Variants in SCHIP1 observed in about 807,000 individuals in gnomAD.
The protein encoded by SCHIP1 is schwannomin-interacting protein 1.
A neutral mutation model predicts 29.7 loss-of-function variants in SCHIP1; 8 were observed. The observed-to-expected ratio is 0.27, with a 90% CI of 0.16 to 0.49. The LOEUF (loss-of-function observed/expected upper bound fraction) is 0.49, where lower values mean the gene tolerates loss of function less well. Among genes scored for constraint, SCHIP1 ranks in the 20% least tolerant of loss-of-function variants. The probability of loss-of-function intolerance (pLI) is 0.99; values close to 1 mark genes in which losing one functional copy is unlikely to be tolerated. For missense variants in SCHIP1, 193 were observed against 294.6 expected, an observed-to-expected ratio of 0.66 and a Z score of 2.52; for synonymous variants, 76 against 94.9, an observed-to-expected ratio of 0.80 and a Z score of 1.16.
At chr3:159,388,973 G>A in the SCHIP1 span, among the ~76,000 whole-genome samples, 4 of 151,848 alleles carry the variant, frequency 2.6e-5, no homozygotes, top group East Asian at 7.7e-4. Flanking sequence ...ACAAGCTCAG[G>A]CTAGGAAATG....
chr3:159,430,454 C>T, the SCHIP1 span, among the ~76,000 whole-genome samples: 5 of 152,230 alleles, frequency 3.3e-5, no homozygotes, highest in East Asian at 3.9e-4. Flanking sequence ...CCTGAGGCTA[C>T]GTTCTGCTCT....
chr3:159,442,611 C>T, the SCHIP1 span, among the ~76,000 whole-genome samples: 4 of 152,124 alleles, frequency 2.6e-5, no homozygotes, highest in South Asian at 2.1e-4. Flanking sequence ...TTAAAAAATT[C>T]GTCTTTAGAA....
the SCHIP1 span, among the ~76,000 whole-genome samples, chr3:159,588,333 T>G: frequency 6.6e-6 from 1 of 152,262 alleles, no homozygotes; most frequent in East Asian, 1.9e-4. Flanking sequence ...TTCTTGTAAA[T>G]TTATTTGAGT....
the SCHIP1 span, among the ~76,000 whole-genome samples, chr3:159,581,021 C>T: frequency 2.6e-5 from 4 of 152,072 alleles, no homozygotes; most frequent in Admixed American, 2.0e-4. Context: ...TTGGTGTATG[C>T]CTCACCCCAT....
chr3:159,839,985 C>G (rs1744064955), exon 1 of SCHIP1: 1 of 1,436,286 alleles, frequency 7.0e-7, no homozygotes, highest in African/African-American at 1.4e-5. Context: ...GAGAGCAGCT[C>G]AGCTCGCTAG....
chr3:159,833,174 T>C, the SCHIP1 span, among the ~76,000 whole-genome samples: 1 of 152,330 alleles, frequency 6.6e-6, no homozygotes, highest in Admixed American at 6.5e-5. Flanking sequence ...TCAACACAAA[T>C]TTATTGGTAT....
chr3:159,789,274 G>A, the SCHIP1 span, among the ~76,000 whole-genome samples: 6 of 152,162 alleles, frequency 3.9e-5, no homozygotes, highest in Non-Finnish European at 7.3e-5. Context: ...GCAGAATTTC[G>A]TCCTTTTCAG....
At chr3:159,693,432 C>G in the SCHIP1 span, among the ~76,000 whole-genome samples, 3 of 152,158 alleles carry the variant, frequency 2.0e-5, no homozygotes. Context: ...TGCCAGCAGT[C>G]TTGGGTGTAG....
chr3:159,613,242 T>A, the SCHIP1 span, among the ~76,000 whole-genome samples: 5 of 152,222 alleles, frequency 3.3e-5, no homozygotes, highest in Non-Finnish European at 7.3e-5. Flanking sequence ...TGAATCTATA[T>A]GAATAATTGA....
chr3:159,639,972 T>G, the SCHIP1 span, among the ~76,000 whole-genome samples: 73 of 152,362 alleles, frequency 4.8e-4, no homozygotes, highest in African/African-American at 1.8e-3. Context: ...ATTTTTGCTA[T>G]GCTTTTAAAT....
the SCHIP1 span, among the ~76,000 whole-genome samples, chr3:159,621,858 G>A: frequency 6.6e-6 from 1 of 152,084 alleles, no homozygotes. Context: ...TAGAGACGGG[G>A]TTTCACCAGG....
chr3:159,417,186 G>A, the SCHIP1 span, among the ~76,000 whole-genome samples: 4 of 152,266 alleles, frequency 2.6e-5, no homozygotes, highest in Middle Eastern at 3.4e-3. Context: ...GATTTATCCT[G>A]TTCACTAATG....
At chr3:159,514,462 G>A in the SCHIP1 span, among the ~76,000 whole-genome samples, 9 of 152,216 alleles carry the variant, frequency 5.9e-5, no homozygotes, top group Non-Finnish European at 8.8e-5. Context: ...AATTGAGTTC[G>A]TCCTTCATGA....
the SCHIP1 span, among the ~76,000 whole-genome samples, chr3:159,390,631 T>G: frequency 2.0e-5 from 3 of 152,158 alleles, no homozygotes; most frequent in Admixed American, 1.3e-4. Context: ...CTTAAAATAT[T>G]TTTTAATTTT....
At chr3:159,590,744 T>C in the SCHIP1 span, among the ~76,000 whole-genome samples, 10 of 152,276 alleles carry the variant, frequency 6.6e-5, no homozygotes, top group African/African-American at 2.2e-4. Context: ...ATGACTTTGA[T>C]TACTCTTTTA....
At chr3:159,468,423 A>G in the SCHIP1 span, among the ~76,000 whole-genome samples, 1 of 151,976 alleles carries the variant, frequency 6.6e-6, no homozygotes, top group African/African-American at 2.4e-5. Context: ...ATGTGCCAAA[A>G]TCCTATATGA....
the SCHIP1 span, among the ~76,000 whole-genome samples, chr3:159,314,118 T>C: frequency 1.3e-5 from 2 of 152,216 alleles, no homozygotes; most frequent in Non-Finnish European, 2.9e-5. Flanking sequence ...TTCAGGGAGA[T>C]AGTTTGGGTC....
the SCHIP1 span, chr3:159,764,545 T>C: frequency 2.5e-6 from 4 of 1,595,764 alleles, no homozygotes; most frequent in Admixed American, 1.8e-5. The surrounding 1 kb of genome is among the most constrained non-coding windows in gnomAD (Gnocchi z 6.1). Context: ...GACCCCTTGC[T>C]CCGAGTGCAA....
chr3:159,396,901 T>A, the SCHIP1 span, among the ~76,000 whole-genome samples: 77 of 149,730 alleles, frequency 5.1e-4, no homozygotes, highest in African/African-American at 1.8e-3. Context: ...TCCTGAATAA[T>A]ATCCTGCAGA....
Sources: allele counts gnomAD v4.1 joint callset (sites outside exome capture counted in the v4.1 genomes callset), GRCh38; gene constraint gnomAD v4.1.1; non-coding constraint Gnocchi (gnomAD v3.1); transcripts MANE v1.5; gene names NCBI Gene and HGNC (gene_info 2026-07-23, HGNC 2026-07-21).